Variants in ANKRD26 observed in about 807,000 individuals in gnomAD.
The protein encoded by ANKRD26 is ankyrin repeat domain 26, also known as ankyrin repeat domain-containing protein 26.
ANKRD26 carries 141 observed loss-of-function variants against 208.7 expected under a neutral mutation model. The observed-to-expected ratio is 0.68, with a 90% confidence interval of 0.59 to 0.78. ANKRD26 has a LOEUF of 0.78. Among genes scored for constraint, ANKRD26 ranks in the 30% least tolerant of loss-of-function variants. The pLI is 0.00. For synonymous variants in ANKRD26, 636 were observed against 660.4 expected (o/e 0.96, Z 0.57); for missense variants, 1,889 against 1,938.7 (o/e 0.97, Z 0.48).
At chr10:26,996,007 TTGGCTG>T (rs1159673824) in intron 4 of ANKRD26, among the ~76,000 whole-genome samples, 1 of 152,136 alleles carries the variant, frequency 6.6e-6, no homozygotes, top group African/African-American at 2.4e-5. Context: ...CAAACAACTA[TTGGCTG>T]TGTGGATCTA....
chr10:27,016,681 C>A (rs1435430417), intron 30 of ANKRD26, among the ~76,000 whole-genome samples: 1 of 151,658 alleles, frequency 6.6e-6, no homozygotes, highest in East Asian at 1.9e-4. Context: ...CAAGAGAGAA[C>A]TTTCTGGAAA....
the ANKRD26 span, among the ~76,000 whole-genome samples, chr10:26,953,856 G>T: frequency 4.6e-5 from 7 of 152,080 alleles, no homozygotes; most frequent in Admixed American, 1.3e-4. Flanking sequence ...CACATGTATT[G>T]CCCAGCAGCT....
At chr10:27,020,715 A>G (rs774920633) in intron 29 of ANKRD26, among the ~76,000 whole-genome samples, 51 of 152,016 alleles carry the variant, frequency 3.4e-4, no homozygotes, top group Non-Finnish European at 6.8e-4. Context: ...CTGGAGTGCA[A>G]TGGTGCAATC....
At chr10:27,099,585 T>A in intron 1 of ANKRD26, among the ~76,000 whole-genome samples, 1 of 141,104 alleles carries the variant, frequency 7.1e-6, no homozygotes. Context: ...CTCGCTATAA[T>A]GCCCAGGCTG....
chr10:27,032,020 T>C (rs938492713), intron 25 of ANKRD26, among the ~76,000 whole-genome samples: 1 of 152,216 alleles, frequency 6.6e-6, no homozygotes, highest in African/African-American at 2.4e-5. Context: ...AACATTCCAT[T>C]AAACATTATC....
intron 21 of ANKRD26, among the ~76,000 whole-genome samples, chr10:27,039,469 A>T (rs1366391657): frequency 6.6e-6 from 1 of 151,812 alleles, no homozygotes; most frequent in Non-Finnish European, 1.5e-5. Context: ...AAAAAAAAAA[A>T]TTTAGGTTGA....
intron 9 of ANKRD26, among the ~76,000 whole-genome samples, chr10:27,068,281 T>A (rs1295617522): frequency 6.6e-6 from 1 of 152,214 alleles, no homozygotes; most frequent in Non-Finnish European, 1.5e-5. Context: ...TAGTTCCTCA[T>A]ACATTAATTC....
chr10:26,949,468 TATC>T, the ANKRD26 span, among the ~76,000 whole-genome samples: 826 of 151,534 alleles, frequency 5.5e-3, 7 homozygotes, highest in African/African-American at 0.018. Flanking sequence ...TTCTTATAAT[TATC>T]ATCATTATCT....
chr10:27,044,414 T>C (rs2054369960), intron 18 of ANKRD26, among the ~76,000 whole-genome samples: 1 of 151,792 alleles, frequency 6.6e-6, no homozygotes, highest in Non-Finnish European at 1.5e-5. Context: ...AAGAAAAATA[T>C]ACTAACAATA....
downstream of ANKRD26, among the ~76,000 whole-genome samples, chr10:26,972,222 G>A (rs966655634): frequency 9.0e-5 from 13 of 143,974 alleles, no homozygotes; most frequent in South Asian, 6.5e-4. Context: ...GCGACAGAGC[G>A]AGACTCCGTC....
At chr10:27,064,338 A>G (rs1242087267) in intron 11 of ANKRD26, among the ~76,000 whole-genome samples, 1 of 152,192 alleles carries the variant, frequency 6.6e-6, no homozygotes, top group African/African-American at 2.4e-5. Flanking sequence ...AAGGACACAT[A>G]TTAACAGACA....
intron 29 of ANKRD26, 98 bp downstream of exon 29, chr10:27,022,459 TA>T (rs201745310): frequency 0.041 from 35,409 of 857,356 alleles, no homozygotes; most frequent in Middle Eastern, 0.046. Context: ...TCCCTAAAGT[TA>T]AAAAAAAAAA....
At chr10:26,964,400 T>G in the ANKRD26 span, among the ~76,000 whole-genome samples, 1 of 152,086 alleles carries the variant, frequency 6.6e-6, no homozygotes, top group Non-Finnish European at 1.5e-5. Context: ...CACCTACCCT[T>G]TTAGAGAAAA....
chr10:26,949,495 ATTAAT>A, the ANKRD26 span, among the ~76,000 whole-genome samples: 98 of 151,898 alleles, frequency 6.5e-4, no homozygotes, highest in African/African-American at 2.3e-3. Context: ...AGTTATATTA[ATTAAT>A]TTATTTATTA....
chr10:27,080,085 A>C (rs746084824), intron 6 of ANKRD26: 23 of 398,344 alleles, frequency 5.8e-5, no homozygotes, highest in Non-Finnish European at 1.5e-5. Context: ...TGAACCCAGG[A>C]AGCAGAGATT....
chr10:26,954,121 G>C, the ANKRD26 span, among the ~76,000 whole-genome samples: 1 of 152,176 alleles, frequency 6.6e-6, no homozygotes, highest in Admixed American at 6.5e-5. Context: ...ATTCCCCCAG[G>C]ATGCTACCTT....
At chr10:27,029,429 A>C in intron 25 of ANKRD26, 73 bp from the exon 26 acceptor site, 3 of 1,422,378 alleles carry the variant, frequency 2.1e-6, no homozygotes. Flanking sequence ...TGTTTTTGTA[A>C]CTAAACCTTA....
intron 5 of ANKRD26, among the ~76,000 whole-genome samples, chr10:27,083,321 C>T (rs1022765707): frequency 2.2e-4 from 33 of 149,876 alleles, no homozygotes; most frequent in African/African-American, 8.1e-4. Context: ...ATAGCTTTCA[C>T]AAGGAAAAAA....
At chr10:27,066,688 C>A in intron 10 of ANKRD26, 140 bp from the exon 11 acceptor site, 1 of 589,274 alleles carries the variant, frequency 1.7e-6, no homozygotes, top group Non-Finnish European at 2.7e-6. Flanking sequence ...AAAAGAATTT[C>A]ACAAGGTTGA....
Sources: gnomAD v4.1 joint callset for allele counts (sites outside exome capture counted in the v4.1 genomes callset) on GRCh38, gnomAD v4.1.1 for gene constraint, MANE v1.5 for transcripts, NCBI Gene and HGNC (gene_info 2026-07-23, HGNC 2026-07-21) for gene names.